The following COMMD1 variants were observed in gnomAD, a reference collection of about 807,000 sequenced individuals.
COMMD1 encodes COMM domain-containing protein 1.
A neutral mutation model predicts 17.2 loss-of-function variants in COMMD1; 10 were observed. The ratio of observed to expected loss-of-function variants is 0.58; its 90% CI spans 0.36 to 0.99. The LOEUF is 0.99. COMMD1 is among the 50% of genes least tolerant of loss of function. The probability of loss-of-function intolerance (pLI) is 0.01; values close to 1 mark genes in which losing one functional copy is unlikely to be tolerated. For synonymous variants in COMMD1, 97 were observed against 91.6 expected (o/e 1.06, Z -0.34); for missense variants, 270 against 231.8 (o/e 1.17, Z -1.07).
rs184547666 is a variant in COMMD1 at position 61,971,177 on chromosome 2, A to G, written c.181-29524A>G. On this transcript the variant is annotated intron_variant, in intron 1 of 2. Coordinates refer to ENST00000311832, the MANE Select transcript of COMMD1 (RefSeq NM_152516.4). ...ACACTCGAACAAAGGATTTTTAGCA[A>G]AACAATTTTACTTCTGCGCAGAGGG... 1.3e-3 allele frequency among the ~76,000 whole-genome samples: 201 copies of G among 152,370 alleles called. 1 individual carries two copies. Among genetic ancestry groups the G allele is most frequent in the African/African-American group, 3.6e-3 (150 of 41,590 alleles).
At chr2:62,078,635 G>A (rs559461610) in intron 2 of COMMD1, among the ~76,000 whole-genome samples, 5 of 151,408 alleles carry the variant, frequency 3.3e-5, no homozygotes, top group Admixed American at 1.3e-4. Context: ...TTGGGAGGCC[G>A]AGGTGGGTGG....
At chr2:62,084,993 T>C (rs1359610362) in intron 2 of COMMD1, 2 of 152,204 alleles carry the variant, frequency 1.3e-5, no homozygotes, top group Admixed American at 1.3e-4. Flanking sequence ...TTAAAAGAGC[T>C]ATAAAAACAT....
intron 2 of COMMD1, among the ~76,000 whole-genome samples, chr2:62,016,586 G>A (rs1402375227): frequency 6.7e-6 from 1 of 150,064 alleles, no homozygotes; most frequent in African/African-American, 2.5e-5. Flanking sequence ...TTGTTGAGTT[G>A]TAGGAGTTTT....
intron 1 of COMMD1, chr2:61,968,845 A>C (rs1671571493): frequency 5.0e-6 from 1 of 198,388 alleles, no homozygotes; most frequent in African/African-American, 2.3e-5. Flanking sequence ...GGCATGAACC[A>C]CCGTGCCTGG....
intron 1 of COMMD1, among the ~76,000 whole-genome samples, chr2:61,909,765 C>T (rs560609028): frequency 1.3e-5 from 2 of 152,138 alleles, no homozygotes; most frequent in Non-Finnish European, 2.9e-5. Context: ...AGGGTAGAAG[C>T]AAAGGAAGGA....
At chr2:62,081,032 A>G (rs1373158586) in intron 2 of COMMD1, among the ~76,000 whole-genome samples, 3 of 152,080 alleles carry the variant, frequency 2.0e-5, no homozygotes, top group South Asian at 2.1e-4. Context: ...AAAAAATTCT[A>G]TATGTATATA....
At chr2:61,904,069 G>A (rs1370186137), upstream of COMMD1, among the ~76,000 whole-genome samples, 4 of 152,106 alleles carry the variant, frequency 2.6e-5, no homozygotes, top group African/African-American at 9.7e-5. Context: ...AGAGTGCAGT[G>A]GCGTGATCTC....
intron 1 of COMMD1, among the ~76,000 whole-genome samples, chr2:61,930,700 C>G (rs1164398952): frequency 6.6e-6 from 1 of 150,472 alleles, no homozygotes; most frequent in African/African-American, 2.4e-5. Context: ...TTATTTGTAT[C>G]CATCATTTAA....
chr2:62,086,807 C>A (rs944025345), intron 2 of COMMD1, among the ~76,000 whole-genome samples: 1 of 151,686 alleles, frequency 6.6e-6, no homozygotes, highest in Non-Finnish European at 1.5e-5. Flanking sequence ...AAGACAATTT[C>A]TATATGCAAA....
chr2:61,913,753 ACCACT>A (rs1404163123), intron 1 of COMMD1, among the ~76,000 whole-genome samples: 1 of 131,794 alleles, frequency 7.6e-6, no homozygotes, highest in Non-Finnish European at 1.6e-5. Flanking sequence ...CCAAGATTGC[ACCACT>A]GCACTCCAGC....
chr2:62,085,362 C>T (rs577823347), intron 2 of COMMD1, among the ~76,000 whole-genome samples: 1 of 151,980 alleles, frequency 6.6e-6, no homozygotes, highest in East Asian at 1.9e-4. Context: ...GAACTACAGG[C>T]GCCCACCGCC....
intron 1 of COMMD1, among the ~76,000 whole-genome samples, chr2:61,954,571 T>A (rs1379853933): frequency 6.6e-6 from 1 of 151,854 alleles, no homozygotes; most frequent in Admixed American, 6.6e-5. Flanking sequence ...AAGAGAGGAG[T>A]CTTCCCTGGC....
At chr2:61,940,318 G>A (rs1670709980) in intron 1 of COMMD1, among the ~76,000 whole-genome samples, 1 of 152,188 alleles carries the variant, frequency 6.6e-6, no homozygotes, top group African/African-American at 2.4e-5. Flanking sequence ...ACATCCCCCA[G>A]TCACATACAG....
At chr2:61,946,926 G>A (rs1670921958) in intron 1 of COMMD1, among the ~76,000 whole-genome samples, 1 of 151,966 alleles carries the variant, frequency 6.6e-6, no homozygotes, top group Admixed American at 6.6e-5. Context: ...CTCCCTTCAT[G>A]CTTATTGCTT....
intron 1 of COMMD1, among the ~76,000 whole-genome samples, chr2:61,895,364 A>G (rs927753093): frequency 5.3e-5 from 8 of 152,184 alleles, no homozygotes; most frequent in Non-Finnish European, 1.2e-4. Flanking sequence ...GCAGAACCGC[A>G]CCCAGGTAGC....
chr2:62,069,859 T>C (rs766409287), intron 2 of COMMD1: 5 of 152,238 alleles, frequency 3.3e-5, no homozygotes, highest in Non-Finnish European at 5.9e-5. Flanking sequence ...TCTCGATTAT[T>C]CTTGAGATTG....
At chr2:61,901,592 C>T (rs1296414123), upstream of COMMD1, among the ~76,000 whole-genome samples, 4 of 152,102 alleles carry the variant, frequency 2.6e-5, no homozygotes, top group African/African-American at 9.7e-5. Flanking sequence ...CATTGTACTC[C>T]AGCCTGGGCA....
At chr2:62,083,151 C>T (rs556622734) in intron 2 of COMMD1, among the ~76,000 whole-genome samples, 5 of 152,182 alleles carry the variant, frequency 3.3e-5, no homozygotes, top group African/African-American at 9.6e-5. Context: ...CCCATCTACT[C>T]GACATAATGC....
chr2:61,944,239 C>T (rs547220281), intron 1 of COMMD1, among the ~76,000 whole-genome samples: 1 of 152,034 alleles, frequency 6.6e-6, no homozygotes, highest in African/African-American at 2.4e-5. Flanking sequence ...ATCACTTGAG[C>T]TCAGGAGTTC....
Sources: allele counts gnomAD v4.1 joint callset (sites outside exome capture counted in the v4.1 genomes callset), GRCh38; gene constraint gnomAD v4.1.1; transcripts MANE v1.5; gene names NCBI Gene and HGNC (gene_info 2026-07-23, HGNC 2026-07-21).